Variants in ADD2 observed in about 807,000 individuals in gnomAD.
ADD2 encodes the protein adducin 2.
ADD2 carries 23 observed loss-of-function variants against 83.0 expected under a neutral mutation model. The ratio of observed to expected loss-of-function variants is 0.28; its 90% CI spans 0.20 to 0.39. The LOEUF (loss-of-function observed/expected upper bound fraction) is 0.39. Ranked by LOEUF, ADD2 falls within the 10% of genes least tolerant of loss-of-function variation. The pLI, the probability that ADD2 is intolerant of heterozygous loss-of-function variation, is 1.00. For missense variants in ADD2, 758 were observed against 944.9 expected (o/e 0.80, Z 2.59); for synonymous variants, 375 against 375.4 (o/e 1.00, Z 0.01).
Position 70,688,011 on chromosome 2 carries a change from A to G in ADD2, c.948+13T>C. The G allele has an allele frequency of 6.2e-7, 1 of 1,611,020 alleles. No individual in the cohort carries two copies. The highest frequency in any genetic ancestry group is 8.5e-7 in the Non-Finnish European group (1 of 1,177,252). ...CCCACTCCTGGGCCCACTTTCCAGG[A>G]GAATTTGCTCACCTGTATCTCACAT... On this transcript the variant is annotated intron_variant, in intron 9 of 15. Coordinates refer to ENST00000264436, the MANE Select transcript of ADD2 (RefSeq NM_001617.4).
chr2:70,762,971 G>C (rs1324836220), intron 1 of ADD2, among the ~76,000 whole-genome samples: 3 of 151,868 alleles, frequency 2.0e-5, no homozygotes, highest in Non-Finnish European at 2.9e-5. Flanking sequence ...CTCCCAAAGT[G>C]CTGGGATTAC....
intron 15 of ADD2, among the ~76,000 whole-genome samples, chr2:70,664,939 AGT>A (rs1232632666): frequency 1.3e-4 from 19 of 151,784 alleles, no homozygotes; most frequent in Admixed American, 3.9e-4. Context: ...TGTTTGTGTA[AGT>A]GTGTGTGAGT....
intron 1 of ADD2, among the ~76,000 whole-genome samples, chr2:70,761,392 T>C (rs1173109911): frequency 6.8e-6 from 1 of 147,246 alleles, no homozygotes; most frequent in Non-Finnish European, 1.5e-5. Context: ...GTGGATCACC[T>C]GAGATCAGGA....
Position 70,733,682 on chromosome 2 carries a change from G to A in ADD2, c.-153-20498C>T, listed in dbSNP as rs375847020. ...TTATCAAAAAGGTGTTCTGGGTATG[G>A]TAAAATGTATCAAGGATCAGAGGCA... On this transcript the variant is annotated intron_variant, in intron 1 of 15. Coordinates refer to ENST00000264436, the MANE Select transcript of ADD2 (RefSeq NM_001617.4). Among the ~76,000 whole-genome samples the A allele has an allele frequency of 5.0e-4, 76 of 152,292 alleles. No homozygotes were observed. The South Asian group carries it at 0.015, about 31-fold the overall frequency.
intron 1 of ADD2, among the ~76,000 whole-genome samples, chr2:70,720,354 G>A (rs542941302): frequency 6.6e-6 from 1 of 151,640 alleles, no homozygotes; most frequent in Non-Finnish European, 1.5e-5. Context: ...CTCACATGGG[G>A]AACTGCTGGC....
Position 70,747,007 on chromosome 2 carries a change from A to ATTTTTT in ADD2, c.-154+20873_-154+20878dup, listed in dbSNP as rs34113265. ...TCCAGGAGCTAACAGTCCAATATGGATTTTTTTTTTTTTTTTTTTTGAGAC... is the reference window on the plus strand; with the variant it reads ...TCCAGGAGCTAACAGTCCAATATGGATTTTTTTTTTTTTTTTTTTTTTTTTTGAGAC... On this transcript the variant is annotated intron_variant, in intron 1 of 15. Transcript: ENST00000264436. Among the ~76,000 whole-genome samples the ATTTTTT allele has an allele frequency of 1.9e-4, 23 of 121,206 alleles. 1 individual carries two copies. Among genetic ancestry groups the ATTTTTT allele is most frequent in the African/African-American group, 2.7e-4 (8 of 29,946 alleles). 79.5% of individuals were successfully genotyped at this position (121,206 alleles called of 152,430 possible). A position where few individuals can be genotyped will look rare whatever the true frequency, so the allele number is the denominator to read the frequency against.
chr2:70,722,882 G>T (rs1261655557), intron 1 of ADD2, among the ~76,000 whole-genome samples: 3 of 152,182 alleles, frequency 2.0e-5, no homozygotes, highest in Admixed American at 2.0e-4. Context: ...TCTCCAGGGG[G>T]ACATAGTACA....
At chr2:70,743,511 A>G (rs576525722) in intron 1 of ADD2, among the ~76,000 whole-genome samples, 7 of 152,334 alleles carry the variant, frequency 4.6e-5, no homozygotes, top group Non-Finnish European at 7.3e-5. Context: ...TAGGGACAAT[A>G]TCTGCTTCAA....
chr2:70,679,452 T>A (rs1553369153), intron 10 of ADD2, among the ~76,000 whole-genome samples: 1 of 152,166 alleles, frequency 6.6e-6, no homozygotes, highest in Non-Finnish European at 1.5e-5. Context: ...ACTGTGAAAC[T>A]TCTTAACAAT....
intron 15 of ADD2, among the ~76,000 whole-genome samples, chr2:70,671,213 G>C (rs1553366985): frequency 6.6e-6 from 1 of 152,188 alleles, no homozygotes; most frequent in Non-Finnish European, 1.5e-5. Flanking sequence ...TAGGAAGAGG[G>C]GTAGGAGTGA....
chr2:70,745,263 G>T (rs1053693224), intron 1 of ADD2, among the ~76,000 whole-genome samples: 1 of 152,040 alleles, frequency 6.6e-6, no homozygotes, highest in Non-Finnish European at 1.5e-5. Flanking sequence ...TCCAGCCTGG[G>T]CGACAGAGCG....
chr2:70,680,174 C>T (rs1313604827), intron 10 of ADD2, among the ~76,000 whole-genome samples: 3 of 152,114 alleles, frequency 2.0e-5, no homozygotes, highest in Non-Finnish European at 2.9e-5. Context: ...TTTAATACCC[C>T]TATGAGTTCA....
At chr2:70,695,622 C>A (rs782128702) in intron 6 of ADD2, 99 bp downstream of exon 6, 4 of 1,074,564 alleles carry the variant, frequency 3.7e-6, no homozygotes, top group East Asian at 2.4e-5. Flanking sequence ...AGCTCCACAG[C>A]GCAACAGTGA....
At position 70,733,270 on chromosome 2, in the gene ADD2, C is replaced by T. The variant is rs1480821389; in HGVS notation, c.-153-20086G>A. ...CTGGCTCGTCTTCTCCCCAGTGATC[C>T]CTCGGCTGCTTTTTAAGGAGGCTTT... On this transcript the variant is annotated intron_variant, in intron 1 of 15. Coordinates refer to ENST00000264436, the MANE Select transcript of ADD2 (RefSeq NM_001617.4). 2.6e-5 allele frequency among the ~76,000 whole-genome samples: 4 copies of T among 152,150 alleles called. No homozygotes were observed. In the South Asian group the frequency reaches 8.3e-4, roughly 32 times the overall value.
chr2:70,720,704 T>C (rs1553377182), intron 1 of ADD2, among the ~76,000 whole-genome samples: 2 of 152,230 alleles, frequency 1.3e-5, no homozygotes, highest in Non-Finnish European at 2.9e-5. Flanking sequence ...TGTTTGCATA[T>C]CCATGTGTCA....
chr2:70,684,471 AC>A (rs1375813336), intron 9 of ADD2, among the ~76,000 whole-genome samples: 1 of 152,012 alleles, frequency 6.6e-6, no homozygotes, highest in Non-Finnish European at 1.5e-5. Flanking sequence ...CTGGTCTCGA[AC>A]CCCTGGGCTC....
chr2:70,725,469 A>G (rs1672941699), intron 1 of ADD2, among the ~76,000 whole-genome samples: 1 of 152,160 alleles, frequency 6.6e-6, no homozygotes, highest in African/African-American at 2.4e-5. Context: ...GATCTTATTT[A>G]GAAAATGGAT....
Position 70,704,416 on chromosome 2 carries a change from T to G in ADD2, c.227A>C (p.Lys76Thr). The G allele has an allele frequency of 6.2e-7, 1 of 1,614,106 alleles. No individual in the cohort carries two copies. Among genetic ancestry groups the G allele is most frequent in the Non-Finnish European group, 8.5e-7 (1 of 1,180,010 alleles). The change falls in exon 4 of 16, where the codon AAG becomes ACG. Residue 76 changes from lysine (K) to threonine (T), a missense_variant. Physicochemically the swap from Lys to Thr is moderately conservative, Grantham distance 78. Transcript: ENST00000264436. ...GATGTTGGAGGAGTTGTTCCCCTTC[T>G]TCATCTGCTCCTGGATGAGGCCTTC... is the stretch of plus-strand genomic sequence containing the variant. ...ELEGLIQEQM[K>T]KGNNSSNIWA...
At chr2:70,760,594 G>A (rs1176423511) in intron 1 of ADD2, 2 of 152,170 alleles carry the variant, frequency 1.3e-5, no homozygotes, top group Admixed American at 6.5e-5. Flanking sequence ...AAGCAAGCAA[G>A]AAAATGGTTA....
Sources: gnomAD v4.1 joint callset for allele counts (sites outside exome capture counted in the v4.1 genomes callset) on GRCh38, gnomAD v4.1.1 for gene constraint, MANE v1.5 for transcripts, NCBI Gene and HGNC (gene_info 2026-07-23, HGNC 2026-07-21) for gene names.